The following PAM variants were observed in gnomAD, a reference collection of about 807,000 sequenced individuals.
The protein encoded by PAM is peptidyl-glycine alpha-amidating monooxygenase.
In PAM, 72 loss-of-function variants were observed where a neutral mutation model predicts 122.1. The observed-to-expected ratio is 0.59, with a 90% CI of 0.49 to 0.72. The LOEUF is 0.72. Among genes scored for constraint, PAM ranks in the 30% least tolerant of loss-of-function variants. PAM has a pLI of 0.00. For missense variants in PAM, 1,106 were observed against 1,183.7 expected (o/e 0.93, Z 0.96); for synonymous variants, 389 against 404.4 (o/e 0.96, Z 0.46).
intron 3 of PAM, among the ~76,000 whole-genome samples, chr5:102,894,845 T>C (rs73175423): frequency 0.014 from 2,191 of 151,868 alleles, 46 homozygotes; most frequent in African/African-American, 0.051. Flanking sequence ...TCCCCAGTCA[T>C]GTCTATTTTA....
intron 3 of PAM, among the ~76,000 whole-genome samples, chr5:102,890,081 G>A (rs990609450): frequency 1.3e-5 from 2 of 151,782 alleles, no homozygotes; most frequent in African/African-American, 2.4e-5. Context: ...GTATTTATTC[G>A]ATAGAGTATC....
chr5:102,901,419 T>A lies in PAM; in HGVS notation c.268+6T>A. 6.6e-7 allele frequency: 1 copy of A among 1,519,326 alleles called. No individual in the cohort carries two copies. Among genetic ancestry groups the A allele is most frequent in the Non-Finnish European group, 9.1e-7 (1 of 1,095,166 alleles). The allele number at this position is 1,519,326 out of a possible 1,614,324, so 94.1% of individuals were successfully genotyped here. On this transcript the variant is annotated splice_donor_region_variant and intron_variant, in intron 4 of 25. Transcript: ENST00000438793. ...GGATGAGGAAGCCTTCGTGAGTAAG[T>A]ATTAATTGGATTGGGGGAGTAGCAG...
chr5:102,966,487 A>T (rs1470122273), intron 14 of PAM, among the ~76,000 whole-genome samples: 1 of 152,114 alleles, frequency 6.6e-6, no homozygotes, highest in African/African-American at 2.4e-5. Flanking sequence ...AAGAAATAAT[A>T]AAGTTCACTT....
At chr5:102,861,197 T>TAAACTACATCC (rs1389982705) in intron 1 of PAM, among the ~76,000 whole-genome samples, 25 of 152,206 alleles carry the variant, frequency 1.6e-4, no homozygotes, top group Non-Finnish European at 3.5e-4. Context: ...GCAGTTCTGG[T>TAAACTACATCC]TCACATCTAA....
intron 12 of PAM, among the ~76,000 whole-genome samples, chr5:102,958,250 GT>G (rs1761417703): frequency 6.6e-6 from 1 of 152,110 alleles, no homozygotes; most frequent in African/African-American, 2.4e-5. Context: ...AATTTAAAAT[GT>G]TTTTCCTTTC....
intron 16 of PAM, among the ~76,000 whole-genome samples, chr5:102,995,872 G>T (rs1775554166): frequency 6.6e-6 from 1 of 151,478 alleles, no homozygotes; most frequent in South Asian, 2.1e-4. Flanking sequence ...ATATTCCATC[G>T]AGAGTCTCTG....
At chr5:102,909,900 C>T (rs890768031) in intron 4 of PAM, among the ~76,000 whole-genome samples, 2 of 151,802 alleles carry the variant, frequency 1.3e-5, no homozygotes, top group African/African-American at 4.8e-5. Flanking sequence ...CAAGTCGGTG[C>T]TTTTTTATTC....
intron 3 of PAM, among the ~76,000 whole-genome samples, chr5:102,899,615 T>C (rs1174911594): frequency 6.6e-6 from 1 of 151,756 alleles, no homozygotes; most frequent in Non-Finnish European, 1.5e-5. Context: ...CTGGGAATGA[T>C]CTTGAATATA....
chr5:102,813,987 T>C (rs1038350573), intron 1 of PAM, among the ~76,000 whole-genome samples: 1 of 152,226 alleles, frequency 6.6e-6, no homozygotes, highest in Non-Finnish European at 1.5e-5. Flanking sequence ...TGTTGCTTAC[T>C]GTTTGTCATA....
intron 16 of PAM, among the ~76,000 whole-genome samples, chr5:102,991,422 A>G (rs769343361): frequency 6.6e-6 from 1 of 152,092 alleles, no homozygotes; most frequent in Non-Finnish European, 1.5e-5. Context: ...AAGATTTTTT[A>G]TCAATTACAT....
intron 1 of PAM, among the ~76,000 whole-genome samples, chr5:102,825,482 A>G (rs1297482206): frequency 6.6e-6 from 1 of 152,224 alleles, no homozygotes; most frequent in African/African-American, 2.4e-5. Context: ...ATCAAATGCC[A>G]GATTTTAATG....
At chr5:102,759,183 G>T (rs1273415432) in intron 1 of PAM, among the ~76,000 whole-genome samples, 1 of 151,146 alleles carries the variant, frequency 6.6e-6, no homozygotes, top group South Asian at 2.1e-4. Context: ...GAGAACCTCA[G>T]AAGATAGGAT....
chr5:102,926,447 G>T (rs1026322465), intron 6 of PAM, 138 bp from the exon 7 acceptor site: 4 of 584,092 alleles, frequency 6.8e-6, no homozygotes, highest in East Asian at 3.1e-5. Context: ...ATCAGTCAAT[G>T]GTATATTTCT....
In PAM at chr5:102,906,940, T is replaced by C. The variant is rs536178367; in HGVS notation, c.268+5527T>C. 7.9e-5 allele frequency among the ~76,000 whole-genome samples: 12 copies of C among 151,896 alleles called. No homozygotes were observed. In the South Asian group the frequency reaches 1.7e-3, roughly 21 times the overall value. Reference sequence around the variant, plus strand: ...AAAGCTTATGCTGTTTTATCTTGCATAGCTTGGCTGATGAAGTCTATTGAT... The same window carrying C: ...AAAGCTTATGCTGTTTTATCTTGCACAGCTTGGCTGATGAAGTCTATTGAT... On this transcript the variant is annotated intron_variant, in intron 4 of 25. Coordinates refer to ENST00000438793, the MANE Select transcript of PAM (RefSeq NM_001177306.2).
chr5:102,926,466 A>G (rs1380140474), intron 6 of PAM, 119 bp from the exon 7 acceptor site: 5 of 631,886 alleles, frequency 7.9e-6, no homozygotes, highest in Admixed American at 2.9e-5. Context: ...CTGTTTTCAT[A>G]TAATATAATT....
At chr5:102,813,964 T>C (rs887320804) in intron 1 of PAM, among the ~76,000 whole-genome samples, 1 of 152,192 alleles carries the variant, frequency 6.6e-6, no homozygotes, top group Admixed American at 6.5e-5. Context: ...TAGAGAAGAC[T>C]GTGCCCCATA....
rs529306974 is a variant in PAM at position 102,807,205 on chromosome 5, C to T, written c.-374+51857C>T. Among the ~76,000 whole-genome samples, 4 of 152,226 alleles carry T rather than the reference C, an allele frequency of 2.6e-5. No homozygotes were observed. The South Asian group carries it at 8.3e-4, about 32-fold the overall frequency. On this transcript the variant is annotated intron_variant, in intron 1 of 25. Transcript: ENST00000438793. ...TCATGGAGAAGAAAACAATAGCTTTCTTAGTACAGATGATAAATTATATAC... is the reference window on the plus strand; with the variant it reads ...TCATGGAGAAGAAAACAATAGCTTTTTTAGTACAGATGATAAATTATATAC...
chr5:102,800,276 C>T (rs922227110), intron 1 of PAM, among the ~76,000 whole-genome samples: 1 of 152,222 alleles, frequency 6.6e-6, no homozygotes, highest in Non-Finnish European at 1.5e-5. Context: ...TGAGGTTTCT[C>T]TCTGCCAACT....
intron 3 of PAM, among the ~76,000 whole-genome samples, chr5:102,879,006 G>GC (rs775759390): frequency 2.0e-5 from 3 of 151,938 alleles, no homozygotes; most frequent in Non-Finnish European, 2.9e-5. Context: ...TACGTTCACT[G>GC]CAAGCTCCTC....
Sources: allele counts gnomAD v4.1 joint callset (sites outside exome capture counted in the v4.1 genomes callset), GRCh38; gene constraint gnomAD v4.1.1; transcripts MANE v1.5; gene names NCBI Gene and HGNC (gene_info 2026-07-23, HGNC 2026-07-21).